SMYD3: variants seen among roughly 807,000 people sequenced by gnomAD.
SMYD3 encodes histone-lysine N-methyltransferase SMYD3.
Under a neutral mutation model 57.7 loss-of-function variants are expected in SMYD3, and 36 were observed. That is an observed-to-expected ratio of 0.62 (90% CI 0.48 to 0.82). The LOEUF is 0.82. Ranked by LOEUF, SMYD3 falls within the 40% of genes least tolerant of loss-of-function variation. SMYD3 has a pLI of 0.00. For synonymous variants in SMYD3, 211 were observed against 195.0 expected (o/e 1.08, Z -0.68); for missense variants, 515 against 538.8 (o/e 0.96, Z 0.44).
At chr1:245,774,274 G>C (rs777035311) in intron 10 of SMYD3, among the ~76,000 whole-genome samples, 3 of 152,170 alleles carry the variant, frequency 2.0e-5, no homozygotes, top group Admixed American at 6.5e-5. Context: ...GGTCTAGTAG[G>C]AAATCCTTCC....
At position 246,378,726 on chromosome 1, in the gene SMYD3, T is replaced by TATATATAATTATATATAATTTA. The variant is rs58702520; in HGVS notation, c.165-23633_165-23632insTAAATTATATATAATTATATAT. Among the ~76,000 whole-genome samples, 7 of 89,854 alleles carry TATATATAATTATATATAATTTA rather than the reference T, an allele frequency of 7.8e-5. No homozygotes were observed. The East Asian group carries it at 1.7e-3, about 21-fold the overall frequency. 58.9% of individuals were successfully genotyped at this position (89,854 alleles called of 152,430 possible). A position where few individuals can be genotyped will look rare whatever the true frequency, so the allele number is the denominator to read the frequency against. ...CCTTTATATATATAATATAATATAT[T>TATATATAATTATATATAATTTA]ATATATTATATATAATTATATATAA... On this transcript the variant is annotated intron_variant, in intron 1 of 11. Coordinates refer to ENST00000490107, the MANE Select transcript of SMYD3 (RefSeq NM_001167740.2).
chr1:246,101,071 GTT>G (rs754724096), intron 5 of SMYD3, among the ~76,000 whole-genome samples: 1,675 of 53,690 alleles, frequency 0.031, 46 homozygotes, highest in African/African-American at 0.084. Flanking sequence ...GGGGTTTTTT[GTT>G]TTTTTTTTTT....
rs532954932 is a variant in SMYD3, at chr1:246,475,878, G to C, written c.164+31176C>G. The stretch of plus-strand genomic sequence containing the variant: ...AATTCACCCACCCTGGCCACCAAAA[G>C]TGCTAGTATTACAGGCGTGAGCCAC... On this transcript the variant is annotated intron_variant, in intron 1 of 11. Transcript: ENST00000490107. 2.6e-5 allele frequency among the ~76,000 whole-genome samples: 4 copies of C among 152,250 alleles called. No individual in the cohort carries two copies. The East Asian group carries it at 7.8e-4, about 30-fold the overall frequency.
chr1:245,897,255 A>T (rs1307191913), intron 8 of SMYD3, among the ~76,000 whole-genome samples: 1 of 152,238 alleles, frequency 6.6e-6, no homozygotes, highest in Non-Finnish European at 1.5e-5. Context: ...AGGGAGCTCT[A>T]AGTTTAAAAA....
At chr1:245,961,897 TAA>T (rs1438955169) in intron 5 of SMYD3, among the ~76,000 whole-genome samples, 4 of 152,208 alleles carry the variant, frequency 2.6e-5, no homozygotes, top group Middle Eastern at 3.2e-3. Flanking sequence ...AGCTGCCGGA[TAA>T]AAGTTTTTTG....
At chr1:246,442,356 C>A (rs1458704422) in intron 1 of SMYD3, among the ~76,000 whole-genome samples, 1 of 152,042 alleles carries the variant, frequency 6.6e-6, no homozygotes, top group Non-Finnish European at 1.5e-5. Context: ...CAAGACCAGC[C>A]TGGCCAACCC....
intron 5 of SMYD3, among the ~76,000 whole-genome samples, chr1:246,123,061 A>G (rs1038841063): frequency 1.3e-4 from 20 of 152,350 alleles, no homozygotes; most frequent in African/African-American, 4.6e-4. Context: ...ACTGTCCTTT[A>G]CAATGTACTA....
chr1:245,786,214 G>GGGGA (rs1553321348), intron 10 of SMYD3, among the ~76,000 whole-genome samples: 1 of 68,724 alleles, frequency 1.5e-5, no homozygotes, highest in African/African-American at 1.0e-4. Flanking sequence ...GGGTGTGGAC[G>GGGGA]GGGGGGGGAT....
At chr1:246,060,405 G>C (rs1273950569) in intron 5 of SMYD3, among the ~76,000 whole-genome samples, 4 of 151,756 alleles carry the variant, frequency 2.6e-5, no homozygotes, top group African/African-American at 7.3e-5. Context: ...TTATATGTGA[G>C]AACATTTCAT....
rs765749542 is a variant in SMYD3, at chr1:246,290,079, CAAAT to C, written c.531+37118_531+37121del. Among the ~76,000 whole-genome samples the C allele has an allele frequency of 3.4e-3, 522 of 152,222 alleles. 5 individuals are homozygous for C. Among genetic ancestry groups the C allele is most frequent in the Non-Finnish European group, 6.4e-3 (438 of 68,004 alleles). ...CTTAAAGGAATCTTCAAATGATGTT[CAAAT>C]ATATGATGACAGGAGAAACAGCAAC... On this transcript the variant is annotated intron_variant, in intron 5 of 11. Coordinates refer to ENST00000490107, the MANE Select transcript of SMYD3 (RefSeq NM_001167740.2).
chr1:246,115,567 C>A (rs899213546), intron 5 of SMYD3, among the ~76,000 whole-genome samples: 19 of 152,308 alleles, frequency 1.2e-4, no homozygotes, highest in Middle Eastern at 6.8e-3. Context: ...ATCTGGCATT[C>A]AGTCAAAAGT....
At chr1:245,866,074 G>C (rs1187339088) in intron 8 of SMYD3, among the ~76,000 whole-genome samples, 2 of 152,158 alleles carry the variant, frequency 1.3e-5, no homozygotes, top group Non-Finnish European at 2.9e-5. Flanking sequence ...CGTTGAAGGA[G>C]GTTTATAGAA....
chr1:246,163,707 G>A (rs1421892931), intron 5 of SMYD3, among the ~76,000 whole-genome samples: 1 of 152,194 alleles, frequency 6.6e-6, no homozygotes, highest in Non-Finnish European at 1.5e-5. Context: ...TTTAGCTACT[G>A]TCACTTTATA....
intron 1 of SMYD3, among the ~76,000 whole-genome samples, chr1:246,462,205 CGGGGCCTGCTGGGT>C (rs2067808845): frequency 1.1e-5 from 1 of 88,736 alleles, no homozygotes; most frequent in Non-Finnish European, 2.4e-5. Flanking sequence ...CATCCTCCCG[CGGGGCCTGCTGGGT>C]ACAGTGCATC....
At chr1:246,171,503 A>C (rs890653618) in intron 5 of SMYD3, among the ~76,000 whole-genome samples, 4 of 152,192 alleles carry the variant, frequency 2.6e-5, no homozygotes, top group Non-Finnish European at 5.9e-5. Flanking sequence ...ATTCATTGTT[A>C]GGTGATTTTG....
At chr1:246,361,249 C>T (rs1233285270) in intron 1 of SMYD3, among the ~76,000 whole-genome samples, 1 of 152,156 alleles carries the variant, frequency 6.6e-6, no homozygotes, top group Non-Finnish European at 1.5e-5. Flanking sequence ...CAATGTAATA[C>T]CACCTCACTC....
chr1:245,761,786 C>CCTTTT (rs2045853705), intron 11 of SMYD3, among the ~76,000 whole-genome samples: 1 of 115,720 alleles, frequency 8.6e-6, no homozygotes, highest in African/African-American at 3.7e-5. Context: ...CATATTGAGT[C>CCTTTT]TTTTTTTTTT....
intron 1 of SMYD3, among the ~76,000 whole-genome samples, chr1:246,359,987 A>C (rs2148712127): frequency 6.6e-6 from 1 of 152,260 alleles, no homozygotes; most frequent in South Asian, 2.1e-4. Flanking sequence ...AAAGAAATCA[A>C]AGGTATCCAA....
At chr1:246,102,283 A>G (rs556488883) in intron 5 of SMYD3, among the ~76,000 whole-genome samples, 4 of 152,154 alleles carry the variant, frequency 2.6e-5, no homozygotes, top group African/African-American at 9.6e-5. Context: ...TCTGTCCCCA[A>G]TATTGCTGCT....
Sources: gnomAD v4.1 joint callset for allele counts (sites outside exome capture counted in the v4.1 genomes callset) on GRCh38, gnomAD v4.1.1 for gene constraint, MANE v1.5 for transcripts, NCBI Gene and HGNC (gene_info 2026-07-23, HGNC 2026-07-21) for gene names.